The following ATRNL1 variants were observed in gnomAD, a reference collection of about 807,000 sequenced individuals.
The protein encoded by ATRNL1 is attractin-like protein 1.
In ATRNL1, 95 loss-of-function variants were observed where a neutral mutation model predicts 182.7. The ratio of observed to expected loss-of-function variants is 0.52; its 90% CI spans 0.44 to 0.62. ATRNL1 has a LOEUF of 0.62. Among genes scored for constraint, ATRNL1 ranks in the 20% least tolerant of loss-of-function variants. ATRNL1 has a pLI of 0.00. For missense variants in ATRNL1, 1,471 were observed against 1,679.5 expected (o/e 0.88, Z 2.17); for synonymous variants, 576 against 568.3 (o/e 1.01, Z -0.19).
chr10:115,573,417 C>G (rs894080067), intron 26 of ATRNL1, among the ~76,000 whole-genome samples: 4 of 151,414 alleles, frequency 2.6e-5, no homozygotes, highest in Admixed American at 2.6e-4. Flanking sequence ...TGCTCTGGAG[C>G]TTGGGGTTCA....
At chr10:115,696,276 G>A (rs782627188) in intron 26 of ATRNL1, among the ~76,000 whole-genome samples, 1 of 152,140 alleles carries the variant, frequency 6.6e-6, no homozygotes, top group Non-Finnish European at 1.5e-5. Context: ...GAACAGTGCT[G>A]TGACAAGCAT....
chr10:115,455,693 C>T (rs575482901), intron 21 of ATRNL1, among the ~76,000 whole-genome samples: 114 of 152,202 alleles, frequency 7.5e-4, no homozygotes, highest in African/African-American at 2.7e-3. Context: ...CCAGAGTGAA[C>T]AGGCAGCCTA....
chr10:115,699,630 TCA>T (rs1407080212), intron 26 of ATRNL1, among the ~76,000 whole-genome samples: 1 of 152,178 alleles, frequency 6.6e-6, no homozygotes, highest in African/African-American at 2.4e-5. Context: ...AAAGGACCAT[TCA>T]CAGTCAGAGA....
At chr10:115,109,625 A>T (rs1018940111) in intron 1 of ATRNL1, among the ~76,000 whole-genome samples, 1 of 152,104 alleles carries the variant, frequency 6.6e-6, no homozygotes, top group Non-Finnish European at 1.5e-5. Flanking sequence ...TTTTGGAGGG[A>T]CACATTCAAA....
chr10:115,363,665 G>A (rs1433488086), intron 19 of ATRNL1, among the ~76,000 whole-genome samples: 2 of 152,130 alleles, frequency 1.3e-5, no homozygotes, highest in Non-Finnish European at 2.9e-5. Context: ...TAACGTTTAA[G>A]TCTTTAGTCC....
chr10:115,770,797 T>C (rs551193298), intron 27 of ATRNL1, among the ~76,000 whole-genome samples: 1 of 152,184 alleles, frequency 6.6e-6, no homozygotes, highest in Admixed American at 6.5e-5. Flanking sequence ...AAAAAGACTT[T>C]GTAATTTGCA....
chr10:115,873,181 T>C (rs1951624046), intron 28 of ATRNL1, among the ~76,000 whole-genome samples: 1 of 152,180 alleles, frequency 6.6e-6, no homozygotes, highest in South Asian at 2.1e-4. Flanking sequence ...TTCATATAAC[T>C]TCTACCTGTA....
chr10:115,529,988 G>A (rs551272503), intron 25 of ATRNL1, among the ~76,000 whole-genome samples: 1 of 152,104 alleles, frequency 6.6e-6, no homozygotes, highest in African/African-American at 2.4e-5. Flanking sequence ...CGTACAATAT[G>A]TGTTCTTTTG....
chr10:115,408,906 T>C lies in ATRNL1; in HGVS notation c.3269+14154T>C, dbSNP rs868949862. Among the ~76,000 whole-genome samples the C allele has an allele frequency of 2.0e-5, 3 of 152,330 alleles. No homozygotes were observed. The South Asian group carries it at 6.2e-4, about 32-fold the overall frequency. On this transcript the variant is annotated intron_variant, in intron 20 of 28. Transcript: ENST00000355044. ...CTGTAGATATGTAATTTCTGTGTTC[T>C]CCATTATGTTTCATTGATCTATGTG... is the stretch of plus-strand genomic sequence containing the variant.
intron 21 of ATRNL1, among the ~76,000 whole-genome samples, chr10:115,439,225 C>T (rs781902287): frequency 3.3e-5 from 5 of 151,714 alleles, no homozygotes; most frequent in Non-Finnish European, 5.9e-5. Context: ...GGTTGGTCTT[C>T]CTGTCTCAGA....
intron 19 of ATRNL1, among the ~76,000 whole-genome samples, chr10:115,362,750 A>T (rs1234907755): frequency 2.6e-4 from 39 of 151,606 alleles, no homozygotes; most frequent in African/African-American, 8.5e-4. Flanking sequence ...AATTCCCACC[A>T]ATGAGTGAGA....
intron 10 of ATRNL1, among the ~76,000 whole-genome samples, chr10:115,259,845 A>C (rs1851322368): frequency 1.3e-5 from 2 of 152,140 alleles, no homozygotes; most frequent in Admixed American, 1.3e-4. Context: ...AACCAGAAAC[A>C]CAGATATTCC....
At chr10:115,613,080 G>A (rs192034083) in intron 26 of ATRNL1, among the ~76,000 whole-genome samples, 205 of 152,294 alleles carry the variant, frequency 1.3e-3, no homozygotes, top group Non-Finnish European at 2.4e-3. Flanking sequence ...GCCGCAACAA[G>A]TATGTTTGAA....
intron 5 of ATRNL1, among the ~76,000 whole-genome samples, chr10:115,153,199 C>A (rs1283415243): frequency 1.3e-5 from 2 of 152,102 alleles, no homozygotes; most frequent in Non-Finnish European, 2.9e-5. Context: ...GTGTCTCTGC[C>A]AGGCTTTGGT....
chr10:115,203,164 G>T (rs1176953770), intron 8 of ATRNL1, among the ~76,000 whole-genome samples: 1 of 152,032 alleles, frequency 6.6e-6, no homozygotes, highest in Non-Finnish European at 1.5e-5. Context: ...CAGAAGCAGG[G>T]TTCAAAAGCC....
rs375776121 is a variant in ATRNL1, at chr10:115,593,237, G to A, written c.3795+43701G>A. ...TGATATGAACATCAATCCATTTATG[G>A]GGTCAGGGACCTCATGACGTAATCA... is the stretch of plus-strand genomic sequence containing the variant. On this transcript the variant is annotated intron_variant, in intron 26 of 28. Transcript: ENST00000355044. Among the ~76,000 whole-genome samples, 4 of 152,216 alleles carry A rather than the reference G, an allele frequency of 2.6e-5. No individual in the cohort carries two copies. In the East Asian group the frequency reaches 7.7e-4, roughly 29 times the overall value.
intron 5 of ATRNL1, among the ~76,000 whole-genome samples, chr10:115,151,380 C>A (rs1412566424): frequency 6.6e-6 from 1 of 152,126 alleles, no homozygotes. Context: ...CTCTCCAGCA[C>A]CTGTTGTTTC....
At chr10:115,243,800 T>A (rs1284104905) in intron 10 of ATRNL1, among the ~76,000 whole-genome samples, 1 of 152,210 alleles carries the variant, frequency 6.6e-6, no homozygotes, top group Non-Finnish European at 1.5e-5. Flanking sequence ...GGTTTTTTTT[T>A]ATCCCCTGTG....
At chr10:115,705,650 C>G (rs1303869508) in intron 26 of ATRNL1, among the ~76,000 whole-genome samples, 1 of 151,854 alleles carries the variant, frequency 6.6e-6, no homozygotes, top group African/African-American at 2.4e-5. Context: ...TGTAAGATTA[C>G]TGCACTATAG....
Sources: allele counts gnomAD v4.1 joint callset (sites outside exome capture counted in the v4.1 genomes callset), GRCh38; gene constraint gnomAD v4.1.1; transcripts MANE v1.5; gene names NCBI Gene and HGNC (gene_info 2026-07-23, HGNC 2026-07-21).